Variants in MYT1L observed in about 807,000 individuals in gnomAD.
The protein encoded by MYT1L is myelin transcription factor 1 like.
A neutral mutation model predicts 126.7 loss-of-function variants in MYT1L; 12 were observed. The observed-to-expected ratio is 0.09, with a 90% CI of 0.06 to 0.15. The LOEUF is 0.15. Ranked by LOEUF, MYT1L falls within the 10% of genes least tolerant of loss-of-function variation. The pLI, the probability that MYT1L is intolerant of heterozygous loss-of-function variation, is 1.00. For missense variants in MYT1L, 979 were observed against 1,585.2 expected, an observed-to-expected ratio of 0.62 and a Z score of 6.49; for synonymous variants, 541 against 604.2, an observed-to-expected ratio of 0.90 and a Z score of 1.53.
intron 5 of MYT1L, among the ~76,000 whole-genome samples, chr2:1,988,287 G>A (rs942225455): frequency 7.9e-5 from 12 of 152,196 alleles, no homozygotes; most frequent in African/African-American, 1.7e-4. Flanking sequence ...CCATTCCTGC[G>A]GAGCGCCGGG....
At chr2:1,836,500 T>A (rs1472258933) in intron 21 of MYT1L, among the ~76,000 whole-genome samples, 1 of 147,900 alleles carries the variant, frequency 6.8e-6, no homozygotes, top group African/African-American at 2.5e-5. Context: ...CAAAATTCCA[T>A]CAGCCTGCAC....
intron 5 of MYT1L, among the ~76,000 whole-genome samples, chr2:1,995,201 T>A (rs1336823246): frequency 1.3e-5 from 2 of 152,014 alleles, no homozygotes; most frequent in African/African-American, 2.4e-5. Flanking sequence ...TCCACAGGAA[T>A]GTCTTTCCTG....
At chr2:2,284,897 T>C (rs1014355244) in intron 1 of MYT1L, among the ~76,000 whole-genome samples, 3 of 151,802 alleles carry the variant, frequency 2.0e-5, no homozygotes, top group Non-Finnish European at 2.9e-5. Flanking sequence ...AGAGATGGGG[T>C]TTCATCATGT....
At chr2:2,273,333 C>T (rs1275458720) in intron 2 of MYT1L, among the ~76,000 whole-genome samples, 1 of 152,002 alleles carries the variant, frequency 6.6e-6, no homozygotes, top group East Asian at 1.9e-4. Context: ...TAGAAATGAC[C>T]CCTGATAAAT....
At chr2:2,200,202 TGGTG>T (rs1261495928) in intron 2 of MYT1L, among the ~76,000 whole-genome samples, 1 of 152,088 alleles carries the variant, frequency 6.6e-6, no homozygotes, top group Non-Finnish European at 1.5e-5. Flanking sequence ...TTTAGGTACT[TGGTG>T]GGGGCTGCTC....
At chr2:2,323,993 C>T (rs573829396) in intron 1 of MYT1L, 1 of 152,204 alleles carries the variant, frequency 6.6e-6, no homozygotes, top group Admixed American at 6.5e-5. Flanking sequence ...AAACAGTCAT[C>T]TCTAAACAGT....
intron 3 of MYT1L, among the ~76,000 whole-genome samples, chr2:2,164,745 C>A (rs192949631): frequency 1.3e-5 from 2 of 152,174 alleles, no homozygotes; most frequent in African/African-American, 4.8e-5. Context: ...TGTCAACAGA[C>A]GATAGACATG....
At chr2:1,827,571 C>A (rs1490866994) in intron 21 of MYT1L, 1 of 152,106 alleles carries the variant, frequency 6.6e-6, no homozygotes, top group Non-Finnish European at 1.5e-5. Flanking sequence ...GGTGACACGG[C>A]CCCAGGGCTC....
At chr2:2,060,611 C>T (rs564013385) in intron 3 of MYT1L, among the ~76,000 whole-genome samples, 12 of 152,152 alleles carry the variant, frequency 7.9e-5, no homozygotes, top group African/African-American at 2.4e-4. Flanking sequence ...GAAAGCCAAA[C>T]TTGTTTATTC....
At chr2:2,188,701 C>T (rs187313609) in intron 2 of MYT1L, among the ~76,000 whole-genome samples, 248 of 152,150 alleles carry the variant, frequency 1.6e-3, no homozygotes, top group Admixed American at 5.0e-3. Context: ...GGATCTGTCT[C>T]GGGCAGATGC....
At chr2:2,071,038 T>C (rs1337319229) in intron 3 of MYT1L, among the ~76,000 whole-genome samples, 1 of 151,920 alleles carries the variant, frequency 6.6e-6, no homozygotes, top group African/African-American at 2.4e-5. Flanking sequence ...GGATATGGGG[T>C]GAAGTCTAAA....
intron 8 of MYT1L, among the ~76,000 whole-genome samples, chr2:1,954,360 C>T (rs1341492163): frequency 1.3e-5 from 2 of 152,188 alleles, no homozygotes. Context: ...CGTAGAATAA[C>T]GTGTCCAGAG....
At chr2:1,989,706 TA>T in intron 5 of MYT1L, among the ~76,000 whole-genome samples, 1 of 144,090 alleles carries the variant, frequency 6.9e-6, no homozygotes, top group South Asian at 2.2e-4. Context: ...TCAAAAAACT[TA>T]GACTAGGGGC....
At chr2:2,074,634 A>G (rs2075010090) in intron 3 of MYT1L, among the ~76,000 whole-genome samples, 2 of 152,212 alleles carry the variant, frequency 1.3e-5, no homozygotes, top group African/African-American at 4.8e-5. Context: ...ATACAGTAAG[A>G]AAGAGCACAC....
intron 18 of MYT1L, among the ~76,000 whole-genome samples, chr2:1,865,578 C>T (rs756635049): frequency 6.6e-6 from 1 of 152,076 alleles, no homozygotes; most frequent in Non-Finnish European, 1.5e-5. Flanking sequence ...TTAGCTCCCC[C>T]TCCTTGTTTT....
At chr2:1,873,021 A>T (rs1439774253) in intron 18 of MYT1L, among the ~76,000 whole-genome samples, 1 of 152,182 alleles carries the variant, frequency 6.6e-6, no homozygotes, top group Non-Finnish European at 1.5e-5. Context: ...CTGTGCTCAT[A>T]ATCACTGCCC....
At chr2:2,144,224 C>T (rs1461312754) in intron 3 of MYT1L, among the ~76,000 whole-genome samples, 1 of 152,114 alleles carries the variant, frequency 6.6e-6, no homozygotes, top group Non-Finnish European at 1.5e-5. Context: ...CCCCCTCCCT[C>T]CTGCTCTGCC....
chr2:1,914,842 C>T (rs1000388540), intron 11 of MYT1L, among the ~76,000 whole-genome samples: 8 of 152,232 alleles, frequency 5.3e-5, no homozygotes, highest in African/African-American at 1.9e-4. Context: ...CCCACAACCA[C>T]TGTCTTTTCC....
chr2:2,175,964 G>A (rs2090711875), intron 2 of MYT1L, among the ~76,000 whole-genome samples: 1 of 152,208 alleles, frequency 6.6e-6, no homozygotes, highest in Non-Finnish European at 1.5e-5. Flanking sequence ...GGAGTACATA[G>A]CAGGTTCTCC....
Sources: gnomAD v4.1 joint callset for allele counts (sites outside exome capture counted in the v4.1 genomes callset) on GRCh38, gnomAD v4.1.1 for gene constraint, MANE v1.5 for transcripts, NCBI Gene and HGNC (gene_info 2026-07-23, HGNC 2026-07-21) for gene names.